PDK1: variants seen among roughly 807,000 people sequenced by gnomAD.
PDK1 encodes the protein [Pyruvate dehydrogenase (acetyl-transferring)] kinase isozyme 1, mitochondrial.
PDK1 carries 39 observed loss-of-function variants against 54.2 expected under a neutral mutation model. That is an observed-to-expected ratio of 0.72 (90% CI 0.56 to 0.94). The LOEUF is 0.94. Among genes scored for constraint, PDK1 ranks in the 40% least tolerant of loss-of-function variants. The pLI, the probability that PDK1 is intolerant of heterozygous loss-of-function variation, is 0.00. For missense variants in PDK1, 552 were observed against 566.0 expected (o/e 0.98, Z 0.25); for synonymous variants, 221 against 207.1 (o/e 1.07, Z -0.58).
the PDK1 span, among the ~76,000 whole-genome samples, chr2:172,718,684 G>C: frequency 6.6e-6 from 1 of 152,150 alleles, no homozygotes; most frequent in Non-Finnish European, 1.5e-5. Context: ...CATGGGGAAG[G>C]CCCTAGGAAA....
At chr2:172,639,535 A>G in the PDK1 span, among the ~76,000 whole-genome samples, 12 of 152,240 alleles carry the variant, frequency 7.9e-5, no homozygotes, top group Admixed American at 7.9e-4. Context: ...AAAAGCACCT[A>G]ACATAAAACC....
intron 8 of PDK1, among the ~76,000 whole-genome samples, chr2:172,571,510 G>A (rs1450940497): frequency 6.6e-6 from 1 of 152,248 alleles, no homozygotes; most frequent in South Asian, 2.1e-4. Flanking sequence ...ACTGCAGGCT[G>A]CAGGCATGCA....
At position 172,605,818 on chromosome 2, in the gene PDK1, C is replaced by A. The variant is rs1270397032; in HGVS notation, c.*9849C>A. On this transcript the variant is annotated 3_prime_UTR_variant, in exon 11 of 11. Transcript: ENST00000282077. ...ACCTACTTTGCTTCTCTCTGACCAA[C>A]ATAGGGGCAGGATCTGTGGAAAGAC... is the stretch of plus-strand genomic sequence containing the variant. 6.6e-6 allele frequency: 1 copy of A among 152,162 alleles called. No homozygotes were observed. Among genetic ancestry groups the A allele is most frequent in the Non-Finnish European group, 1.5e-5 (1 of 68,034 alleles). 9.4% of individuals were successfully genotyped at this position (152,162 alleles called of 1,614,324 possible). A position where few individuals can be genotyped will look rare whatever the true frequency, so the allele number is the denominator to read the frequency against.
chr2:172,583,617 A>G (rs1295697021), intron 8 of PDK1, among the ~76,000 whole-genome samples: 1 of 152,076 alleles, frequency 6.6e-6, no homozygotes, highest in East Asian at 1.9e-4. Context: ...AAGTCCTTGT[A>G]TACTTTATTA....
chr2:172,633,752 AATT>A, the PDK1 span, among the ~76,000 whole-genome samples: 1 of 151,012 alleles, frequency 6.6e-6, no homozygotes, highest in Non-Finnish European at 1.5e-5. Context: ...TTAATAATAA[AATT>A]ATTATGACCA....
At chr2:172,671,510 G>C in the PDK1 span, among the ~76,000 whole-genome samples, 11 of 149,830 alleles carry the variant, frequency 7.3e-5, no homozygotes, top group South Asian at 2.1e-4. Context: ...TGCTCCCTCA[G>C]AGGATTATAA....
Position 172,608,285 on chromosome 2 carries a change from TA to T in PDK1, c.*12317del, listed in dbSNP as rs1691360012. 6.6e-6 allele frequency: 1 copy of T among 152,262 alleles called. No individual in the cohort carries two copies. Among genetic ancestry groups the T allele is most frequent in the African/African-American group, 2.4e-5 (1 of 41,410 alleles). 9.4% of individuals were successfully genotyped at this position (152,262 alleles called of 1,614,324 possible). ...GGCATTGATCAAAGAAAAATAAACA[TA>T]TAGAAGGAAAGAAAGGTCGTTTTAG... On this transcript the variant is annotated 3_prime_UTR_variant, in exon 11 of 11. Coordinates refer to ENST00000282077, the MANE Select transcript of PDK1 (RefSeq NM_002610.5).
intron 9 of PDK1, among the ~76,000 whole-genome samples, chr2:172,591,262 G>A (rs1466545433): frequency 6.6e-6 from 1 of 152,204 alleles, no homozygotes; most frequent in African/African-American, 2.4e-5. Context: ...AAGCCATGTT[G>A]CCCAACTCCA....
At chr2:172,570,971 T>G in intron 8 of PDK1, 147 bp downstream of exon 8, 1 of 564,296 alleles carries the variant, frequency 1.8e-6, no homozygotes, top group South Asian at 2.6e-5. Flanking sequence ...ATAAGCACAT[T>G]GCTTCATTGA....
At chr2:172,648,318 G>T in the PDK1 span, among the ~76,000 whole-genome samples, 5 of 152,176 alleles carry the variant, frequency 3.3e-5, no homozygotes, top group Non-Finnish European at 7.3e-5. Context: ...TCTTAGTTTT[G>T]CATCTTTTCT....
At chr2:172,668,293 T>C in the PDK1 span, among the ~76,000 whole-genome samples, 7 of 140,324 alleles carry the variant, frequency 5.0e-5, no homozygotes, top group Non-Finnish European at 1.1e-4. Context: ...TTTTTTTTTT[T>C]GGCAATGAAA....
chr2:172,652,467 AG>A, the PDK1 span, among the ~76,000 whole-genome samples: 7,894 of 152,276 alleles, frequency 0.052, 452 homozygotes, highest in African/African-American at 0.14. Flanking sequence ...AGTTCTGGCC[AG>A]GGCAATCAGG....
the PDK1 span, among the ~76,000 whole-genome samples, chr2:172,694,427 A>G: frequency 2.9e-3 from 441 of 152,370 alleles, 4 homozygotes; most frequent in African/African-American, 9.8e-3. Context: ...ACATCGTTTC[A>G]TTATAACATT....
At chr2:172,693,289 A>T in the PDK1 span, among the ~76,000 whole-genome samples, 1 of 152,258 alleles carries the variant, frequency 6.6e-6, no homozygotes, top group Non-Finnish European at 1.5e-5. Context: ...ATCATGAGTC[A>T]CTGCAGCAGC....
Position 172,605,003 on chromosome 2 carries a change from A to C in PDK1, c.*9034A>C, listed in dbSNP as rs1691239336. The C allele has an allele frequency of 6.6e-6, 1 of 152,226 alleles. No individual in the cohort carries two copies. Among genetic ancestry groups the C allele is most frequent in the South Asian group, 2.1e-4 (1 of 4,834 alleles). The allele number at this position is 152,226 out of a possible 1,614,324, so 9.4% of individuals were successfully genotyped here. On this transcript the variant is annotated 3_prime_UTR_variant, in exon 11 of 11. Transcript: ENST00000282077. ...CTCAGCCCCAAAGATACATTTGTAG[A>C]TGCCAGGCTTAACATTCCTGAGGCT...
the PDK1 span, among the ~76,000 whole-genome samples, chr2:172,717,453 A>G: frequency 6.6e-6 from 1 of 152,246 alleles, no homozygotes; most frequent in Non-Finnish European, 1.5e-5. Flanking sequence ...ATAACAGATA[A>G]ACTAATAAAC....
chr2:172,705,723 A>T, the PDK1 span, among the ~76,000 whole-genome samples: 2 of 152,266 alleles, frequency 1.3e-5, no homozygotes, highest in African/African-American at 4.8e-5. Flanking sequence ...GTAACTTTGC[A>T]AATGTTAAGG....
At chr2:172,611,204 T>C (rs1038816861), downstream of PDK1, among the ~76,000 whole-genome samples, 1 of 152,198 alleles carries the variant, frequency 6.6e-6, no homozygotes, top group Non-Finnish European at 1.5e-5. Context: ...TAAAATACTT[T>C]GCATTCTATC....
chr2:172,628,777 C>T, the PDK1 span, among the ~76,000 whole-genome samples: 1 of 152,086 alleles, frequency 6.6e-6, no homozygotes, highest in African/African-American at 2.4e-5. Flanking sequence ...TCAGATTTAA[C>T]GTCTCCATTC....
Sources: gnomAD v4.1 joint callset for allele counts (sites outside exome capture counted in the v4.1 genomes callset) on GRCh38, gnomAD v4.1.1 for gene constraint, MANE v1.5 for transcripts, NCBI Gene and HGNC (gene_info 2026-07-23, HGNC 2026-07-21) for gene names.